STARD13: variants seen among roughly 807,000 people sequenced by gnomAD.
STARD13 encodes the protein stAR-related lipid transfer protein 13.
In STARD13, 62 loss-of-function variants were observed where a neutral mutation model predicts 106.4. The observed-to-expected ratio is 0.58, with a 90% CI of 0.48 to 0.72. The LOEUF is 0.72. Ranked by LOEUF, STARD13 falls within the 30% of genes least tolerant of loss-of-function variation. STARD13 has a pLI of 0.00. For missense variants in STARD13, 1,387 were observed against 1,424.0 expected (o/e 0.97, Z 0.42); for synonymous variants, 565 against 553.0 (o/e 1.02, Z -0.31).
chr13:33,349,935 A>T (rs1310517370), intron 1 of STARD13, among the ~76,000 whole-genome samples: 2 of 152,214 alleles, frequency 1.3e-5, no homozygotes, highest in African/African-American at 4.8e-5. Context: ...TGGTCTGGGC[A>T]CTTATTCACT....
the STARD13 span, among the ~76,000 whole-genome samples, chr13:33,425,317 C>T: frequency 1.3e-5 from 2 of 152,192 alleles, no homozygotes; most frequent in African/African-American, 4.8e-5. Flanking sequence ...ACCTGGCATG[C>T]CGAGGTAGGC....
intron 2 of STARD13, among the ~76,000 whole-genome samples, chr13:33,165,946 C>T (rs797231): frequency 0.43 from 64,775 of 152,080 alleles, 17,303 homozygotes; most frequent in Non-Finnish European, 0.58. Flanking sequence ...AATTCGAACA[C>T]TACTTCCCTC....
intron 1 of STARD13, among the ~76,000 whole-genome samples, chr13:33,310,935 G>A (rs1893106838): frequency 6.6e-6 from 1 of 152,020 alleles, no homozygotes; most frequent in Admixed American, 6.6e-5. Flanking sequence ...GCAGGCAACT[G>A]TAACCCAATG....
intron 1 of STARD13, chr13:33,336,596 A>T (rs1211892229): frequency 6.6e-6 from 1 of 152,106 alleles, no homozygotes; most frequent in Non-Finnish European, 1.5e-5. Context: ...TCTTCAAAAA[A>T]TTTTAAAAAA....
chr13:33,489,544 T>C, the STARD13 span, among the ~76,000 whole-genome samples: 1 of 152,226 alleles, frequency 6.6e-6, no homozygotes, highest in Non-Finnish European at 1.5e-5. Flanking sequence ...TCAAGTCCAA[T>C]CAACTAATAA....
the STARD13 span, among the ~76,000 whole-genome samples, chr13:33,641,147 G>A: frequency 6.6e-6 from 1 of 152,348 alleles, no homozygotes; most frequent in South Asian, 2.1e-4. Flanking sequence ...CTATGAGCAT[G>A]CATTCCTTCA....
chr13:33,624,324 T>A, the STARD13 span, among the ~76,000 whole-genome samples: 1 of 152,234 alleles, frequency 6.6e-6, no homozygotes, highest in Non-Finnish European at 1.5e-5. Context: ...CATGCATTGC[T>A]AAGATACTGA....
At chr13:33,316,860 C>T (rs183736219) in intron 1 of STARD13, among the ~76,000 whole-genome samples, 11 of 152,290 alleles carry the variant, frequency 7.2e-5, no homozygotes, top group African/African-American at 2.6e-4. Context: ...CCACATTCAT[C>T]AAGGGTGCCA....
the STARD13 span, among the ~76,000 whole-genome samples, chr13:33,503,405 A>C: frequency 6.6e-6 from 1 of 151,988 alleles, no homozygotes; most frequent in East Asian, 1.9e-4. Context: ...GATCTTAGTT[A>C]TTTCTTGCCT....
chr13:33,563,653 G>A, the STARD13 span, among the ~76,000 whole-genome samples: 5 of 147,292 alleles, frequency 3.4e-5, no homozygotes. Context: ...AATGCTTCAG[G>A]ACATTGGTCT....
At position 33,235,301 on chromosome 13, in the gene STARD13, T is replaced by C. The variant is rs150822910; in HGVS notation, c.169+50169A>G. Among the ~76,000 whole-genome samples, 289 of 152,296 alleles carry C rather than the reference T, an allele frequency of 1.9e-3. 1 individual carries two copies. Among genetic ancestry groups the C allele is most frequent in the African/African-American group, 6.4e-3 (268 of 41,556 alleles). On this transcript the variant is annotated intron_variant, in intron 1 of 13. Transcript: ENST00000336934. Reference sequence around the variant, plus strand: ...ACATTCCTTTCCATGAGGCCATATCTAGCTGGATTTTTGGCAGATGCTGTG... The same window carrying C: ...ACATTCCTTTCCATGAGGCCATATCCAGCTGGATTTTTGGCAGATGCTGTG...
At chr13:33,574,496 G>A in the STARD13 span, among the ~76,000 whole-genome samples, 1 of 152,290 alleles carries the variant, frequency 6.6e-6, no homozygotes, top group East Asian at 1.9e-4. Flanking sequence ...AACACTTTGG[G>A]AGGCCCAGGT....
the STARD13 span, among the ~76,000 whole-genome samples, chr13:33,528,935 T>C: frequency 2.0e-5 from 3 of 152,176 alleles, no homozygotes; most frequent in African/African-American, 7.2e-5. Context: ...TTCAGCCAAT[T>C]ACTTAACCTC....
chr13:33,236,561 T>G (rs1357452071), intron 1 of STARD13, among the ~76,000 whole-genome samples: 2 of 152,208 alleles, frequency 1.3e-5, no homozygotes, highest in Non-Finnish European at 1.5e-5. Flanking sequence ...ACAGTCTTCC[T>G]TGGCATCCCC....
chr13:33,518,228 A>AC, the STARD13 span, among the ~76,000 whole-genome samples: 4 of 152,034 alleles, frequency 2.6e-5, no homozygotes, highest in Admixed American at 6.6e-5. Context: ...TGCCAAAATT[A>AC]CCCCCCATCC....
At chr13:33,273,437 C>T (rs1891259233) in intron 1 of STARD13, among the ~76,000 whole-genome samples, 1 of 152,142 alleles carries the variant, frequency 6.6e-6, no homozygotes. Flanking sequence ...TGTTTCTATT[C>T]TTTCTGGAGG....
chr13:33,339,631 C>G (rs1269202892), intron 1 of STARD13, among the ~76,000 whole-genome samples: 1 of 152,156 alleles, frequency 6.6e-6, no homozygotes, highest in Non-Finnish European at 1.5e-5. Flanking sequence ...AGCTAGAAAT[C>G]AAACACTTAG....
At chr13:33,573,951 A>C in the STARD13 span, among the ~76,000 whole-genome samples, 1 of 152,190 alleles carries the variant, frequency 6.6e-6, no homozygotes, top group Admixed American at 6.6e-5. Context: ...ATAACACATA[A>C]AACTGTGATT....
chr13:33,672,478 C>T, the STARD13 span, among the ~76,000 whole-genome samples: 22 of 152,246 alleles, frequency 1.4e-4, no homozygotes, highest in South Asian at 4.4e-3. Flanking sequence ...ACATGTATTC[C>T]TATGTAACAA....
Sources: gnomAD v4.1 joint callset for allele counts (sites outside exome capture counted in the v4.1 genomes callset) on GRCh38, gnomAD v4.1.1 for gene constraint, MANE v1.5 for transcripts, NCBI Gene and HGNC (gene_info 2026-07-23, HGNC 2026-07-21) for gene names.